Variants in TTLL3 observed in about 807,000 individuals in gnomAD.
The protein encoded by TTLL3 is tubulin tyrosine ligase like 3.
In TTLL3, 63 loss-of-function variants were observed where a neutral mutation model predicts 75.2. The ratio of observed to expected loss-of-function variants is 0.84; its 90% CI spans 0.68 to 1.03. TTLL3 has a LOEUF of 1.03. Ranked by LOEUF, TTLL3 falls within the 50% of genes least tolerant of loss-of-function variation. The pLI, the probability that TTLL3 is intolerant of heterozygous loss-of-function variation, is 0.00. For missense variants in TTLL3, 997 were observed against 1,069.9 expected (o/e 0.93, Z 0.95); for synonymous variants, 393 against 418.5 (o/e 0.94, Z 0.74).
chr3:9,835,625 G>A lies in TTLL3; in HGVS notation c.*136G>A, dbSNP rs1395206289. On this transcript the variant is annotated 3_prime_UTR_variant, in exon 14 of 14. Coordinates refer to ENST00000685419, the MANE Select transcript of TTLL3 (RefSeq NM_001387446.1). ...CGTGAGCCTTCACTTTACAGATGAA[G>A]AAACTGAGTCTGAAAGAGGAGGCAT... is the stretch of plus-strand genomic sequence containing the variant. 2 of 870,376 alleles carry A rather than the reference G, an allele frequency of 2.3e-6. No individual in the cohort carries two copies. The highest frequency in any genetic ancestry group is 2.7e-5 in the Admixed American group (1 of 36,580). 53.9% of individuals were successfully genotyped at this position (870,376 alleles called of 1,614,324 possible).
intron 4 of TTLL3, among the ~76,000 whole-genome samples, chr3:9,815,220 G>A (rs1236853549): frequency 2.9e-5 from 4 of 139,894 alleles, no homozygotes; most frequent in East Asian, 2.0e-4. Context: ...CAGCCTGGGC[G>A]ACAAGAGTCA....
intron 9 of TTLL3, 37 bp from the exon 10 acceptor site, chr3:9,826,960 T>G: frequency 5.0e-6 from 8 of 1,613,294 alleles, no homozygotes; most frequent in Non-Finnish European, 5.9e-6. Flanking sequence ...GGCCCACGCC[T>G]GACCTTCCAA....
intron 9 of TTLL3, 56 bp from the exon 10 acceptor site, chr3:9,826,941 C>G: frequency 6.2e-7 from 1 of 1,608,116 alleles, no homozygotes; most frequent in Non-Finnish European, 8.5e-7. Flanking sequence ...ACAAGCTGGC[C>G]CTTCTCCTGG....
rs1176798069 is a variant in TTLL3, at chr3:9,816,151, C to A, written c.393C>A (p.Ser131=). 1 of 1,353,866 alleles carries A rather than the reference C, an allele frequency of 7.4e-7. No homozygotes were observed. 83.9% of individuals were successfully genotyped at this position (1,353,866 alleles called of 1,614,324 possible). ...RRDVLDCRFL[S]KDQMINHYAR... is the part of the protein sequence containing the mutation. ...ATGTGCTCGACTGTCGCTTCCTCTC[C>A]AAGGATCAGATGATAAACCACTACG... is the stretch of plus-strand genomic sequence containing the variant. The change falls in exon 5 of 14, where the codon TCC becomes TCA. Residue 131 remains serine (S), a synonymous_variant. Transcript: ENST00000685419.
intron 4 of TTLL3, 123 bp downstream of exon 4, chr3:9,813,468 G>GT (rs1242877387): frequency 4.4e-6 from 5 of 1,141,978 alleles, no homozygotes; most frequent in Non-Finnish European, 6.2e-6. Context: ...CCTATCTGTA[G>GT]TAAAAACTGC....
intron 8 of TTLL3, among the ~76,000 whole-genome samples, chr3:9,822,217 C>G (rs368150472): frequency 3.3e-5 from 5 of 151,444 alleles, no homozygotes. Flanking sequence ...AGGCGCCCAC[C>G]ACCACGCCCG....
Position 9,823,691 on chromosome 3 carries a change from G to A in TTLL3, c.855-2109G>A, listed in dbSNP as rs1045332589. Among the ~76,000 whole-genome samples the A allele has an allele frequency of 4.6e-5, 7 of 152,250 alleles. No individual in the cohort carries two copies. In the South Asian group the frequency reaches 1.5e-3, roughly 32 times the overall value. On this transcript the variant is annotated intron_variant, in intron 8 of 13. Coordinates refer to ENST00000685419, the MANE Select transcript of TTLL3 (RefSeq NM_001387446.1). Reference sequence around the variant, plus strand: ...CTTGCCTAGCCCCCTGCATCTGGCTGTCCCTGTTCCTGGCACTGCCCCAGT... The same window carrying A: ...CTTGCCTAGCCCCCTGCATCTGGCTATCCCTGTTCCTGGCACTGCCCCAGT...
At position 9,810,715 on chromosome 3, in the gene TTLL3, A is replaced by G; in HGVS notation, c.48+6A>G. ...ACGTGGAGAGAGCTGTCAAGGTCAG[A>G]GGAGGGGCAGGGGCGCTTAGAAAGG... On this transcript the variant is annotated splice_donor_region_variant and intron_variant, in intron 2 of 13. Coordinates refer to ENST00000685419, the MANE Select transcript of TTLL3 (RefSeq NM_001387446.1). This position sits in a 1 kb window ranked among gnomAD's most constrained non-coding sequence, Gnocchi z 4.4. 1 of 1,582,458 alleles carries G rather than the reference A, an allele frequency of 6.3e-7. No individual in the cohort carries two copies. The highest frequency in any genetic ancestry group is 1.8e-5 in the Admixed American group (1 of 54,148).
Position 9,817,939 on chromosome 3 carries a change from T to C in TTLL3, c.559+180T>C, listed in dbSNP as rs1575372030. ...ATGTGCCCTCCCTTAATAAGCCTCT[T>C]AGCTTGGTCAACTCTGACCTCCAGA... On this transcript the variant is annotated intron_variant, in intron 6 of 13. Coordinates refer to ENST00000685419, the MANE Select transcript of TTLL3 (RefSeq NM_001387446.1). 24 of 782,644 alleles carry C rather than the reference T, an allele frequency of 3.1e-5. No individual in the cohort carries two copies. The East Asian group carries it at 6.7e-4, about 22-fold the overall frequency. The allele number at this position is 782,644 out of a possible 1,614,324, so 48.5% of individuals were successfully genotyped here.
intron 8 of TTLL3, among the ~76,000 whole-genome samples, chr3:9,821,842 A>C (rs1160945120): frequency 6.6e-6 from 1 of 151,872 alleles, no homozygotes; most frequent in African/African-American, 2.4e-5. Context: ...ATCTCTACTA[A>C]AAATATGAAA....
At position 9,818,875 on chromosome 3, in the gene TTLL3, G is replaced by C; in HGVS notation, c.613G>C (p.Glu205Gln). ...CGTTCTCAAGCTGGTGGTGAAGTCT[G>C]AGTGGAAGTCATACCCTATTCAGGC... ...RNVLKLVVKS[E>Q]WKSYPIQAVE... is the part of the protein sequence containing the mutation. Residue 205 changes from glutamate (E) to glutamine (Q), a missense_variant, in exon 7 of 14, where the codon GAG becomes CAG. Physicochemically the swap from Glu to Gln is conservative, Grantham distance 29. Coordinates refer to ENST00000685419, the MANE Select transcript of TTLL3 (RefSeq NM_001387446.1). 6.2e-7 allele frequency: 1 copy of C among 1,614,164 alleles called. No individual in the cohort carries two copies. The highest frequency in any genetic ancestry group is 8.5e-7 in the Non-Finnish European group (1 of 1,180,018).
chr3:9,835,031 C>T, intron 13 of TTLL3, 63 bp from the exon 14 acceptor site: 3 of 1,590,510 alleles, frequency 1.9e-6, no homozygotes, highest in Non-Finnish European at 2.6e-6. Context: ...TGGTCTCCCT[C>T]AGAAGCCCCT....
intron 8 of TTLL3, among the ~76,000 whole-genome samples, chr3:9,824,179 G>C (rs576694896): frequency 2.6e-5 from 4 of 152,294 alleles, no homozygotes; most frequent in African/African-American, 9.6e-5. Context: ...GTGTTAGGTG[G>C]GGGTAGATGA....
intron 9 of TTLL3, among the ~76,000 whole-genome samples, chr3:9,826,670 T>C (rs1056009437): frequency 1.4e-5 from 2 of 144,494 alleles, no homozygotes; most frequent in Non-Finnish European, 3.0e-5. Context: ...GAGGCGGAGG[T>C]TGCAGTGAGC....
chr3:9,835,610 C>T lies in TTLL3; in HGVS notation c.*121C>T. The T allele has an allele frequency of 1.0e-6, 1 of 997,738 alleles. No homozygotes were observed. The highest frequency in any genetic ancestry group is 1.5e-6 in the Non-Finnish European group (1 of 688,712). The allele number at this position is 997,738 out of a possible 1,614,324, so 61.8% of individuals were successfully genotyped here. On this transcript the variant is annotated 3_prime_UTR_variant, in exon 14 of 14. Transcript: ENST00000685419. ...TCCAGGGGTGGGGAGCGTGAGCCTT[C>T]ACTTTACAGATGAAGAAACTGAGTC...
chr3:9,830,623 T>C (rs1201613681), intron 11 of TTLL3, among the ~76,000 whole-genome samples: 3 of 152,158 alleles, frequency 2.0e-5, no homozygotes, highest in African/African-American at 4.8e-5. Flanking sequence ...CAGGAAAATA[T>C]GAGCAAGCTG....
intron 9 of TTLL3, among the ~76,000 whole-genome samples, chr3:9,826,335 A>G (rs528734696): frequency 1.3e-5 from 2 of 152,318 alleles, no homozygotes; most frequent in African/African-American, 4.8e-5. Flanking sequence ...AGACAAGGAG[A>G]TACATTTTTT....
At position 9,810,375 on chromosome 3, in the gene TTLL3, C is replaced by CGGTCCTCGAT. The variant is rs34761997; in HGVS notation, c.-60_-59insGTCCTCGATG. The CGGTCCTCGAT allele has an allele frequency of 7.1e-7, 1 of 1,410,138 alleles. No individual in the cohort carries two copies. Among genetic ancestry groups the CGGTCCTCGAT allele is most frequent in the Non-Finnish European group, 9.2e-7 (1 of 1,092,666 alleles). The allele number at this position is 1,410,138 out of a possible 1,614,324, so 87.4% of individuals were successfully genotyped here. On this transcript the variant is annotated 5_prime_UTR_variant, in exon 1 of 14. It adds an upstream start codon to the 5' untranslated region. Coordinates refer to ENST00000685419, the MANE Select transcript of TTLL3 (RefSeq NM_001387446.1). This position sits in a 1 kb window ranked among gnomAD's most constrained non-coding sequence, Gnocchi z 4.4. The stretch of plus-strand genomic sequence containing the variant: ...TCGGCCCCCCGCACACCCCGGTCCT[C>CGGTCCTCGAT]GACCCCTCTCCGCAGGATGGTGAGG...
At chr3:9,819,238 C>A (rs2080189601) in intron 7 of TTLL3, 1 of 345,860 alleles carries the variant, frequency 2.9e-6, no homozygotes, top group Non-Finnish European at 5.4e-6. Context: ...CCCCATCCAT[C>A]TATCCACTCC....
Sources: allele counts gnomAD v4.1 joint callset (sites outside exome capture counted in the v4.1 genomes callset), GRCh38; gene constraint gnomAD v4.1.1; non-coding constraint Gnocchi (gnomAD v3.1); transcripts MANE v1.5; gene names NCBI Gene and HGNC (gene_info 2026-07-23, HGNC 2026-07-21).